The following APOL1 variants were observed in gnomAD, a reference collection of about 807,000 sequenced individuals.
APOL1 encodes apolipoprotein L 1.
A neutral mutation model predicts 14.9 loss-of-function variants in APOL1; 17 were observed. The ratio of observed to expected loss-of-function variants is 1.14; its 90% CI spans 0.78 to 1.71. The LOEUF is 1.71. APOL1 is among the 40% of genes most tolerant of loss of function. APOL1 has a pLI of 0.00. For missense variants in APOL1, 523 were observed against 485.9 expected, an observed-to-expected ratio of 1.08 and a Z score of -0.72; for synonymous variants, 195 against 184.8, an observed-to-expected ratio of 1.05 and a Z score of -0.45.
At chr22:36,264,229 C>T (rs1244528926) in intron 5 of APOL1, among the ~76,000 whole-genome samples, 1 of 152,200 alleles carries the variant, frequency 6.6e-6, no homozygotes, top group Non-Finnish European at 1.5e-5. Flanking sequence ...TCCAGCCCCT[C>T]CCTGAGGTCT....
At chr22:36,259,085 C>T (rs1410779352) in intron 4 of APOL1, among the ~76,000 whole-genome samples, 1 of 152,156 alleles carries the variant, frequency 6.6e-6, no homozygotes. Flanking sequence ...CTCAGCATGG[C>T]CCTCTGTCAG....
At chr22:36,254,433 A>T (rs1463491010) in intron 1 of APOL1, among the ~76,000 whole-genome samples, 1 of 152,172 alleles carries the variant, frequency 6.6e-6, no homozygotes, top group Admixed American at 6.5e-5. Context: ...CCAGCATGGT[A>T]GTGTGTACCT....
At chr22:36,263,848 T>G (rs772394124) in intron 5 of APOL1, among the ~76,000 whole-genome samples, 1 of 152,118 alleles carries the variant, frequency 6.6e-6, no homozygotes. Flanking sequence ...ACAGGACTGA[T>G]AGGAGACACC....
chr22:36,260,233 A>G (rs570139439), intron 4 of APOL1, among the ~76,000 whole-genome samples: 1 of 152,316 alleles, frequency 6.6e-6, no homozygotes, highest in East Asian at 1.9e-4. Context: ...TCTCTACTAA[A>G]AATACAAAAA....
chr22:36,263,211 T>A (rs180751877), intron 5 of APOL1, among the ~76,000 whole-genome samples: 3 of 152,268 alleles, frequency 2.0e-5, no homozygotes, highest in Admixed American at 2.0e-4. Flanking sequence ...CCAGAATGAA[T>A]AGCCAGATCT....
intron 2 of APOL1, 84 bp downstream of exon 2, chr22:36,255,083 G>A (rs2015822007): frequency 6.8e-7 from 1 of 1,476,078 alleles, no homozygotes; most frequent in South Asian, 1.1e-5. Context: ...GCTGGGCCAG[G>A]GCCATCTGGG....
Position 36,265,684 on chromosome 22 carries a change from T to C in APOL1, c.848T>C (p.Ile283Thr), listed in dbSNP as rs761467008. 2 of 1,607,202 alleles carry C rather than the reference T, an allele frequency of 1.2e-6. No individual in the cohort carries two copies. The highest frequency in any genetic ancestry group is 4.5e-5 in the East Asian group (2 of 44,830). Reference protein sequence around the residue: ...YQLTRGIGKDIRALRRARANL... With the variant: ...YQLTRGIGKDTRALRRARANL... Reference sequence around the variant, plus strand: ...CTCACACGAGGCATTGGGAAGGACATCCGTGCCCTCAGACGAGCCAGAGCC... The same window carrying C: ...CTCACACGAGGCATTGGGAAGGACACCCGTGCCCTCAGACGAGCCAGAGCC... The change falls in exon 6 of 6, where the codon ATC becomes ACC. Residue 283 changes from isoleucine to threonine, a missense_variant. Transcript: ENST00000397278.
At chr22:36,259,179 G>A (rs1435392916) in intron 4 of APOL1, among the ~76,000 whole-genome samples, 4 of 152,128 alleles carry the variant, frequency 2.6e-5, no homozygotes, top group Non-Finnish European at 5.9e-5. Flanking sequence ...GCAGTTTCAG[G>A]GGGTTACAGC....
chr22:36,253,755 G>C, intron 1 of APOL1: 1 of 600,502 alleles, frequency 1.7e-6, no homozygotes, highest in East Asian at 2.8e-5. Flanking sequence ...GGAATGACTT[G>C]CCCAGGGTCC....
Position 36,265,871 on chromosome 22 carries a change from T to C in APOL1, c.1035T>C (p.Leu345=), listed in dbSNP as rs771843280. Residue 345 remains leucine (L), a synonymous_variant, in exon 6 of 6, where the codon CTT becomes CTC. Transcript: ENST00000397278. ...LTDVAPVSFF[L]VLDVVYLVYE... ...ATGTGGCCCCTGTAAGCTTCTTTCT[T>C]GTGCTGGATGTAGTCTACCTCGTGT... The C allele has an allele frequency of 2.5e-6, 4 of 1,614,210 alleles. No individual in the cohort carries two copies. The highest frequency in any genetic ancestry group is 1.7e-5 in the Admixed American group (1 of 60,026).
Position 36,265,215 on chromosome 22 carries a change from A to G in APOL1, c.379A>G (p.Lys127Glu). The G allele has an allele frequency of 3.1e-6, 5 of 1,614,238 alleles. No individual in the cohort carries two copies. The highest frequency in any genetic ancestry group is 3.4e-6 in the Non-Finnish European group (4 of 1,180,042). Residue 127 changes from lysine to glutamate, a missense_variant, in exon 6 of 6, where the codon AAA becomes GAA. By Grantham distance (56) the Lys-to-Glu change is moderately conservative (BLOSUM62 1). Transcript: ENST00000397278. ...TGCAAGACAAATGATCATGAAAGAC[A>G]AAAACTGGCACGATAAAGGCCAGCA... ...NLARQMIMKD[K>E]NWHDKGQQYR...
chr22:36,261,016 C>T (rs1215043908), intron 4 of APOL1, among the ~76,000 whole-genome samples: 1 of 152,174 alleles, frequency 6.6e-6, no homozygotes, highest in Admixed American at 6.5e-5. Context: ...TTTCCACTTC[C>T]TTGGCCTGGA....
chr22:36,265,195 G>A lies in APOL1; in HGVS notation c.359G>A (p.Arg120Lys). 1 of 1,614,180 alleles carries A rather than the reference G, an allele frequency of 6.2e-7. No individual in the cohort carries two copies. Among genetic ancestry groups the A allele is most frequent in the Non-Finnish European group, 8.5e-7 (1 of 1,180,038 alleles). ...ELRKALDNLA[R>K]QMIMKDKNWH... Reference sequence around the variant, plus strand: ...CGTAAAGCTCTGGACAACCTTGCAAGACAAATGATCATGAAAGACAAAAAC... The same window carrying A: ...CGTAAAGCTCTGGACAACCTTGCAAAACAAATGATCATGAAAGACAAAAAC... The change falls in exon 6 of 6, where the codon AGA (arginine) becomes AAA (lysine). Residue 120 changes from arginine (R) to lysine (K), a missense_variant. Arg to Lys is a conservative substitution (Grantham distance 26, BLOSUM62 2). Coordinates refer to ENST00000397278, the MANE Select transcript of APOL1 (RefSeq NM_003661.4).
rs201458617 is a variant in APOL1, at chr22:36,253,917, G to A, written c.-20+698G>A. 8.1e-6 allele frequency: 13 copies of A among 1,613,624 alleles called. No homozygotes were observed. In the South Asian group the frequency reaches 1.1e-4, roughly 14 times the overall value. Reference sequence around the variant, plus strand: ...TGGCTGAGACAGGGGAGTGAGAAGGGTGCGTTGCAGAATGGTGCCTGTGGC... The same window carrying A: ...TGGCTGAGACAGGGGAGTGAGAAGGATGCGTTGCAGAATGGTGCCTGTGGC... On this transcript the variant is annotated intron_variant, in intron 1 of 5. Transcript: ENST00000397278.
At position 36,266,153 on chromosome 22, in the gene APOL1, C is replaced by T. The variant is rs187862099; in HGVS notation, c.*120C>T. The stretch of plus-strand genomic sequence containing the variant: ...GTCGCCAAGTTGGAGTGCAATGGTG[C>T]GATCTCAGCTCACTGCAAGCTCTGC... On this transcript the variant is annotated 3_prime_UTR_variant, in exon 6 of 6. Transcript: ENST00000397278. 78 of 1,124,678 alleles carry T rather than the reference C, an allele frequency of 6.9e-5. No individual in the cohort carries two copies. The highest frequency in any genetic ancestry group is 6.5e-4 in the Admixed American group (23 of 35,338). 69.7% of individuals were successfully genotyped at this position (1,124,678 alleles called of 1,614,324 possible).
rs948645622 is a variant in APOL1 at position 36,255,960 on chromosome 22, C to T, written c.44+961C>T. 2.0e-5 allele frequency among the ~76,000 whole-genome samples: 3 copies of T among 152,238 alleles called. No individual in the cohort carries two copies. The South Asian group carries it at 6.2e-4, about 32-fold the overall frequency. Reference sequence around the variant, plus strand: ...CCAGTTTTATGTCTTCCATTAGCAACTTTGTAGCTGTAAATAATTTACTTA... The same window carrying T: ...CCAGTTTTATGTCTTCCATTAGCAATTTTGTAGCTGTAAATAATTTACTTA... On this transcript the variant is annotated intron_variant, in intron 2 of 5. Coordinates refer to ENST00000397278, the MANE Select transcript of APOL1 (RefSeq NM_003661.4).
rs917304235 is a variant in APOL1 at position 36,266,707 on chromosome 22, C to G, written c.*674C>G. 2.8e-6 allele frequency: 1 copy of G among 351,878 alleles called. No homozygotes were observed. Among genetic ancestry groups the G allele is most frequent in the East Asian group, 4.0e-5 (1 of 25,080 alleles). 21.8% of individuals were successfully genotyped at this position (351,878 alleles called of 1,614,324 possible). A position where few individuals can be genotyped will look rare whatever the true frequency, so the allele number is the denominator to read the frequency against. On this transcript the variant is annotated 3_prime_UTR_variant, in exon 6 of 6. Coordinates refer to ENST00000397278, the MANE Select transcript of APOL1 (RefSeq NM_003661.4). ...GATCACGAGGTCAGGAGATCGAGAC[C>G]ATCCTGGCTAACACAGTGAAACCCC... is the stretch of plus-strand genomic sequence containing the variant.
chr22:36,262,769 G>C (rs978622085), intron 5 of APOL1, among the ~76,000 whole-genome samples: 1 of 152,170 alleles, frequency 6.6e-6, no homozygotes, highest in African/African-American at 2.4e-5. Context: ...CTCACACCAC[G>C]CCTTGGAACT....
In APOL1 at chr22:36,266,511, T is replaced by C. The variant is rs2016266099; in HGVS notation, c.*478T>C. ...GGGGAGGGGTTAATGCAGATGGCAG[T>C]GCAGCAAGGAGAAGGCAGGAACATT... On this transcript the variant is annotated 3_prime_UTR_variant, in exon 6 of 6. Transcript: ENST00000397278. 5.0e-6 allele frequency: 2 copies of C among 400,246 alleles called. No individual in the cohort carries two copies. The highest frequency in any genetic ancestry group is 8.8e-6 in the Non-Finnish European group (2 of 227,436). 24.8% of individuals were successfully genotyped at this position (400,246 alleles called of 1,614,324 possible).
Sources: gnomAD v4.1 joint callset for allele counts (sites outside exome capture counted in the v4.1 genomes callset) on GRCh38, gnomAD v4.1.1 for gene constraint, MANE v1.5 for transcripts, NCBI Gene and HGNC (gene_info 2026-07-23, HGNC 2026-07-21) for gene names.